TNFRSF25: variants seen among roughly 807,000 people sequenced by gnomAD.
TNFRSF25 encodes the protein tumor necrosis factor receptor superfamily member 25.
In TNFRSF25, 28 loss-of-function variants were observed where a neutral mutation model predicts 49.4. The ratio of observed to expected loss-of-function variants is 0.57; its 90% CI spans 0.42 to 0.78. The LOEUF (loss-of-function observed/expected upper bound fraction) is 0.78. TNFRSF25 is among the 30% of genes least tolerant of loss of function. TNFRSF25 has a pLI of 0.00. For synonymous variants in TNFRSF25, 240 were observed against 234.2 expected, an observed-to-expected ratio of 1.02 and a Z score of -0.23; for missense variants, 531 against 581.6, an observed-to-expected ratio of 0.91 and a Z score of 0.90.
chr1:6,461,871 G>A lies in TNFRSF25; in HGVS notation c.926-109C>T, dbSNP rs1644184818. 1 of 1,457,746 alleles carries A rather than the reference G, an allele frequency of 6.9e-7. No individual in the cohort carries two copies. The highest frequency in any genetic ancestry group is 9.0e-7 in the Non-Finnish European group (1 of 1,106,654). The allele number at this position is 1,457,746 out of a possible 1,614,324, so 90.3% of individuals were successfully genotyped here. On this transcript the variant is annotated intron_variant, in intron 9 of 9. Coordinates refer to ENST00000356876, the MANE Select transcript of TNFRSF25 (RefSeq NM_003790.3). The surrounding 1 kb of genome is among the most constrained non-coding windows in gnomAD (Gnocchi z 6.3). ...AGGGCTGAAGCCCGCTGGATCCGGTGGGTCAGGGCATAGGGCGGACTCCGT... is the reference window on the plus strand; with the variant it reads ...AGGGCTGAAGCCCGCTGGATCCGGTAGGTCAGGGCATAGGGCGGACTCCGT...
At chr1:6,463,045 C>T (rs1458683165) in intron 6 of TNFRSF25, 27 bp downstream of exon 6, 2 of 1,552,380 alleles carry the variant, frequency 1.3e-6, no homozygotes, top group Non-Finnish European at 1.7e-6. Flanking sequence ...CCAGTTCTCC[C>T]ACTCGCATTC....
rs1173211484 is a variant in TNFRSF25 at position 6,466,152 on chromosome 1, T to C, written c.-45A>G. ...AGGGGCTTCCCGGCTCCGTGCTCTC[T>C]GCCCGTCGTGGTTCCGCCTTCAGCC... On this transcript the variant is annotated 5_prime_UTR_variant, in exon 1 of 10. Coordinates refer to ENST00000356876, the MANE Select transcript of TNFRSF25 (RefSeq NM_003790.3). 8.5e-6 allele frequency: 12 copies of C among 1,412,070 alleles called. No homozygotes were observed. The highest frequency in any genetic ancestry group is 1.5e-5 in the South Asian group (1 of 64,834). 87.5% of individuals were successfully genotyped at this position (1,412,070 alleles called of 1,614,324 possible). A position where few individuals can be genotyped will look rare whatever the true frequency, so the allele number is the denominator to read the frequency against.
Position 6,462,933 on chromosome 1 carries a change from G to T in TNFRSF25, c.636C>A (p.Val212=). ...TCAGGGTGGCCCCAAGCAGGAGGGG[G>T]ACCACAAGGCCAGCCAGGAGCACCT... ...WVQVLLAGLV[V]PLLLGATLTY... Residue 212 remains valine (V), a synonymous_variant, in exon 7 of 10, where the codon GTC becomes GTA. Transcript: ENST00000356876. This position sits in a 1 kb window ranked among gnomAD's most constrained non-coding sequence, Gnocchi z 4.2. 1 of 1,601,914 alleles carries T rather than the reference G, an allele frequency of 6.2e-7. No homozygotes were observed.
In TNFRSF25 at chr1:6,462,142, G is replaced by T. The variant is rs978467245; in HGVS notation, c.777C>A (p.His259Gln). The change falls in exon 9 of 10, where the codon CAC becomes CAA. Residue 259 changes from histidine to glutamine, a missense_variant. Coordinates refer to ENST00000356876, the MANE Select transcript of TNFRSF25 (RefSeq NM_003790.3). This position sits in a 1 kb window ranked among gnomAD's most constrained non-coding sequence, Gnocchi z 4.2. ...ATHLSPLDSA[H>Q]TLLAPPDSSE... Reference sequence around the variant, plus strand: ...TGCTGTCAGGAGGTGCTAGAAGGGTGTGGGCGCTGTCCAAGGGTGACAGAT... The same window carrying T: ...TGCTGTCAGGAGGTGCTAGAAGGGTTTGGGCGCTGTCCAAGGGTGACAGAT... 2.2e-5 allele frequency: 35 copies of T among 1,613,006 alleles called. No homozygotes were observed. Among genetic ancestry groups the T allele is most frequent in the Non-Finnish European group, 3.0e-5 (35 of 1,179,636 alleles).
In TNFRSF25 at chr1:6,461,151, T is replaced by G; in HGVS notation, c.*283A>C. 14 of 639,250 alleles carry G rather than the reference T, an allele frequency of 2.2e-5. No individual in the cohort carries two copies. Among genetic ancestry groups the G allele is most frequent in the Non-Finnish European group, 3.6e-5 (12 of 336,760 alleles). 39.6% of individuals were successfully genotyped at this position (639,250 alleles called of 1,614,324 possible). On this transcript the variant is annotated 3_prime_UTR_variant, in exon 10 of 10. Coordinates refer to ENST00000356876, the MANE Select transcript of TNFRSF25 (RefSeq NM_003790.3). This position sits in a 1 kb window ranked among gnomAD's most constrained non-coding sequence, Gnocchi z 6.3. ...GCCCCGCAGAAACGCCAAGAAGCCG[T>G]TTTTGTTTTGTTTTGTTTTCTTTCA... is the stretch of plus-strand genomic sequence containing the variant.
In TNFRSF25 at chr1:6,465,144, G is replaced by A. The variant is rs370181035; in HGVS notation, c.239C>T (p.Ala80Val). The A allele has an allele frequency of 1.2e-6, 2 of 1,614,046 alleles. No individual in the cohort carries two copies. Among genetic ancestry groups the A allele is most frequent in the Non-Finnish European group, 1.7e-6 (2 of 1,179,998 alleles). Residue 80 changes from alanine to valine, a missense_variant, in exon 3 of 10, where the codon GCC becomes GTC. Physicochemically the swap from Ala to Val is moderately conservative, Grantham distance 64 (BLOSUM62 0). Coordinates refer to ENST00000356876, the MANE Select transcript of TNFRSF25 (RefSeq NM_003790.3). Reference sequence around the variant, plus strand: ...TTCAGAATTATGGTGGTTCTCCCAGGCCAAGAAGGTGTCTTGGGGACACAC... The same window carrying A: ...TTCAGAATTATGGTGGTTCTCCCAGACCAAGAAGGTGTCTTGGGGACACAC... ...CLVCPQDTFL[A>V]WENHHNSECA...
At position 6,466,079 on chromosome 1, in the gene TNFRSF25, G is replaced by T. The variant is rs1644360406; in HGVS notation, c.29C>A (p.Ala10Glu). MEQRPRGCA[A>E]VAAALLLVLL... ...TGCGTCTCAACTCACCGCCGCCACC[G>T]CCGCGCAGCCCCGCGGCCGCTGCTC... The change falls in exon 1 of 10, where the codon GCG becomes GAG. Residue 10 changes from alanine (A) to glutamate (E), a missense_variant. Transcript: ENST00000356876. The T allele has an allele frequency of 6.3e-7, 1 of 1,577,620 alleles. No homozygotes were observed. Among genetic ancestry groups the T allele is most frequent in the Non-Finnish European group, 8.6e-7 (1 of 1,164,546 alleles).
rs1442384179 is a variant in TNFRSF25 at position 6,460,826 on chromosome 1, G to A, written c.*608C>T. On this transcript the variant is annotated 3_prime_UTR_variant, in exon 10 of 10. Coordinates refer to ENST00000356876, the MANE Select transcript of TNFRSF25 (RefSeq NM_003790.3). Reference sequence around the variant, plus strand: ...GGGACCCTTTCACTGCCCCGGTGGAGTGAATAGAGGATGAGGGGCCCTGAC... The same window carrying A: ...GGGACCCTTTCACTGCCCCGGTGGAATGAATAGAGGATGAGGGGCCCTGAC... 1 of 233,986 alleles carries A rather than the reference G, an allele frequency of 4.3e-6. No homozygotes were observed. The highest frequency in any genetic ancestry group is 2.3e-5 in the African/African-American group (1 of 42,844). The allele number at this position is 233,986 out of a possible 1,614,324, so 14.5% of individuals were successfully genotyped here.
Position 6,461,477 on chromosome 1 carries a change from C to G in TNFRSF25, c.1211G>C (p.Gly404Ala). The G allele has an allele frequency of 6.4e-7, 1 of 1,560,358 alleles. No individual in the cohort carries two copies. The highest frequency in any genetic ancestry group is 8.7e-7 in the Non-Finnish European group (1 of 1,154,786). The change falls in exon 10 of 10, where the codon GGC becomes GCC. Residue 404 changes from glycine to alanine, a missense_variant. By Grantham distance (60) the Gly-to-Ala change is moderately conservative (BLOSUM62 0). Coordinates refer to ENST00000356876, the MANE Select transcript of TNFRSF25 (RefSeq NM_003790.3). This position sits in a 1 kb window ranked among gnomAD's most constrained non-coding sequence, Gnocchi z 6.3. The stretch of plus-strand genomic sequence containing the variant: ...GCGGCTGCGCAAGTCTTCCACGCAG[C>G]CGTCCAGCCCCATGCGCTCCAGGGC... ...YAALERMGLD[G>A]CVEDLRSRLQ...
chr1:6,461,891 C>G lies in TNFRSF25; in HGVS notation c.925+103G>C, dbSNP rs1644185668. 1.3e-6 allele frequency: 2 copies of G among 1,486,908 alleles called. No homozygotes were observed. The highest frequency in any genetic ancestry group is 8.9e-7 in the Non-Finnish European group (1 of 1,122,056). The allele number at this position is 1,486,908 out of a possible 1,614,324, so 92.1% of individuals were successfully genotyped here. On this transcript the variant is annotated intron_variant, in intron 9 of 9. Coordinates refer to ENST00000356876, the MANE Select transcript of TNFRSF25 (RefSeq NM_003790.3). This position sits in a 1 kb window ranked among gnomAD's most constrained non-coding sequence, Gnocchi z 6.3. ...CCGGTGGGTCAGGGCATAGGGCGGA[C>G]TCCGTCAGTTAGGGGGCAGAAAGGG...
chr1:6,462,647 C>T lies in TNFRSF25; in HGVS notation c.726G>A (p.Glu242=), dbSNP rs1644211204. Residue 242 remains glutamate, a synonymous_variant, in exon 8 of 10, where the codon GAG becomes GAA. Coordinates refer to ENST00000356876, the MANE Select transcript of TNFRSF25 (RefSeq NM_003790.3). The surrounding 1 kb of genome is among the most constrained non-coding windows in gnomAD (Gnocchi z 4.2). ...TTCTTACCGGTGGTGGGGTCAGAGC[C>T]TCCATCCCAGCTTCATCTGCTGACA... is the stretch of plus-strand genomic sequence containing the variant. The part of the protein sequence containing the change: ...PLVTADEAGM[E]ALTPPPATHL... 2 of 1,613,604 alleles carry T rather than the reference C, an allele frequency of 1.2e-6. No homozygotes were observed. Among genetic ancestry groups the T allele is most frequent in the Non-Finnish European group, 1.7e-6 (2 of 1,179,804 alleles).
chr1:6,465,836 G>T lies in TNFRSF25; in HGVS notation c.39+233C>A. 3.5e-6 allele frequency: 5 copies of T among 1,424,160 alleles called. No homozygotes were observed. The South Asian group carries it at 6.1e-5, about 17-fold the overall frequency. The allele number at this position is 1,424,160 out of a possible 1,614,324, so 88.2% of individuals were successfully genotyped here. A position where few individuals can be genotyped will look rare whatever the true frequency, so the allele number is the denominator to read the frequency against. On this transcript the variant is annotated intron_variant, in intron 1 of 9. Transcript: ENST00000356876. ...GCCCCCACCCCCACCCATGCTTTCT[G>T]TTGGGGGAGGGACACTGATAATGCT...
At chr1:6,465,398 C>A (rs546448376) in intron 2 of TNFRSF25, 42 bp downstream of exon 2, 2 of 1,612,826 alleles carry the variant, frequency 1.2e-6, no homozygotes, top group African/African-American at 2.7e-5. Flanking sequence ...ACCTCTCCAG[C>A]CCTGCCTGCC....
chr1:6,464,363 G>T lies in TNFRSF25; in HGVS notation c.542+12C>A. 1 of 1,601,678 alleles carries T rather than the reference G, an allele frequency of 6.2e-7. No homozygotes were observed. The highest frequency in any genetic ancestry group is 8.5e-7 in the Non-Finnish European group (1 of 1,174,498). ...CCGCCCTTCCCTCCATCCCACGACA[G>T]CTAGGAATTACGTGGGGCAGGACAC... On this transcript the variant is annotated intron_variant, in intron 5 of 9. Coordinates refer to ENST00000356876, the MANE Select transcript of TNFRSF25 (RefSeq NM_003790.3).
At position 6,462,609 on chromosome 1, in the gene TNFRSF25, T is replaced by G; in HGVS notation, c.744+20A>C. 1 of 1,610,568 alleles carries G rather than the reference T, an allele frequency of 6.2e-7. No homozygotes were observed. The highest frequency in any genetic ancestry group is 2.2e-5 in the East Asian group (1 of 44,862). On this transcript the variant is annotated intron_variant, in intron 8 of 9. Transcript: ENST00000356876. The surrounding 1 kb of genome is among the most constrained non-coding windows in gnomAD (Gnocchi z 4.2). ...TCCAGCTCCAGAAGGCAGCCCAGAA[T>G]CACACAGTGAGGTTCTTACCGGTGG...
chr1:6,464,554 A>G lies in TNFRSF25; in HGVS notation c.461T>C (p.Leu154Pro), dbSNP rs753182469. The change falls in exon 4 of 10, where the codon CTC becomes CCC. Residue 154 changes from leucine (L) to proline (P), a missense_variant and splice_region_variant. Coordinates refer to ENST00000356876, the MANE Select transcript of TNFRSF25 (RefSeq NM_003790.3). ...CGALHRHTRLLCSRRDTDCGT... is the reference protein window; with the variant it reads ...CGALHRHTRLPCSRRDTDCGT... ...GAGCCCTGGGTGGGGGTACTCACAG[A>G]GTAGCCGTGTGTGGCGGTGCAGGGC... 3.1e-6 allele frequency: 5 copies of G among 1,614,124 alleles called. No individual in the cohort carries two copies. Among genetic ancestry groups the G allele is most frequent in the Admixed American group, 3.3e-5 (2 of 60,020 alleles).
intron 1 of TNFRSF25, 193 bp from the exon 2 acceptor site, chr1:6,465,753 G>C: frequency 2.1e-6 from 3 of 1,428,194 alleles, no homozygotes; most frequent in Non-Finnish European, 2.7e-6. Flanking sequence ...AGGCTTCGGA[G>C]GGGGCGCTTA....
Position 6,461,843 on chromosome 1 carries a change from C to T in TNFRSF25, c.926-81G>A. 1 of 1,455,160 alleles carries T rather than the reference C, an allele frequency of 6.9e-7. No individual in the cohort carries two copies. The highest frequency in any genetic ancestry group is 9.0e-7 in the Non-Finnish European group (1 of 1,105,622). 90.1% of individuals were successfully genotyped at this position (1,455,160 alleles called of 1,614,324 possible). On this transcript the variant is annotated intron_variant, in intron 9 of 9. Transcript: ENST00000356876. The surrounding 1 kb of genome is among the most constrained non-coding windows in gnomAD (Gnocchi z 6.3). Reference sequence around the variant, plus strand: ...GAGTCAGGGGCGTTCGTGCGGGTACCCCAGGGCTGAAGCCCGCTGGATCCG... The same window carrying T: ...GAGTCAGGGGCGTTCGTGCGGGTACTCCAGGGCTGAAGCCCGCTGGATCCG...
Position 6,462,836 on chromosome 1 carries a change from GGTGCGTGT to G in TNFRSF25, c.706+19_706+26del, listed in dbSNP as rs1644217985. On this transcript the variant is annotated intron_variant, in intron 7 of 9. Coordinates refer to ENST00000356876, the MANE Select transcript of TNFRSF25 (RefSeq NM_003790.3). The surrounding 1 kb of genome is among the most constrained non-coding windows in gnomAD (Gnocchi z 4.2). The stretch of plus-strand genomic sequence containing the variant: ...TACCCATCCTGACCCCAGGCTTCTG[GGTGCGTGT>G]GTGGGTGTGTGTACTTACCAGTAAC... 6.3e-7 allele frequency: 1 copy of G among 1,588,698 alleles called. No homozygotes were observed. Among genetic ancestry groups the G allele is most frequent in the Admixed American group, 1.8e-5 (1 of 56,254 alleles).
Sources: gnomAD v4.1 joint callset for allele counts on GRCh38, gnomAD v4.1.1 for gene constraint, Gnocchi (gnomAD v3.1) non-coding constraint, MANE v1.5 for transcripts, NCBI Gene and HGNC (gene_info 2026-07-23, HGNC 2026-07-21) for gene names.